Variants in SMAD4 observed in about 807,000 individuals in gnomAD.
SMAD4 encodes the protein SMAD family member 4.
A neutral mutation model predicts 63.2 loss-of-function variants in SMAD4; 7 were observed. That is an observed-to-expected ratio of 0.11 (90% CI 0.06 to 0.21). SMAD4 has a LOEUF of 0.21. Ranked by LOEUF, SMAD4 falls within the 10% of genes least tolerant of loss-of-function variation. The pLI is 1.00. For missense variants in SMAD4, 312 were observed against 693.8 expected (o/e 0.45, Z 6.18); for synonymous variants, 215 against 235.4 (o/e 0.91, Z 0.79).
intron 10 of SMAD4, 64 bp downstream of exon 10, chr18:51,067,251 A>C (rs954425426): frequency 2.2e-6 from 2 of 916,262 alleles, no homozygotes; most frequent in African/African-American, 3.3e-5. Flanking sequence ...AAAGAATTGA[A>C]ATCTGGGTGG....
rs2144399503 is a variant in SMAD4 at position 51,046,942 on chromosome 18, C to A, written c.-105C>A. 2.0e-6 allele frequency: 2 copies of A among 986,256 alleles called. No homozygotes were observed. Among genetic ancestry groups the A allele is most frequent in the Non-Finnish European group, 3.2e-6 (2 of 634,658 alleles). 61.1% of individuals were successfully genotyped at this position (986,256 alleles called of 1,614,324 possible). A position where few individuals can be genotyped will look rare whatever the true frequency, so the allele number is the denominator to read the frequency against. ...TAGGTTATCCTGAATACATGTCTAA[C>A]AATTTTCCTTGCAACGTTAGCTGTT... On this transcript the variant is annotated 5_prime_UTR_variant, in exon 2 of 12. Coordinates refer to ENST00000342988, the MANE Select transcript of SMAD4 (RefSeq NM_005359.6).
rs764439383 is a variant in SMAD4 at position 51,046,936 on chromosome 18, G to C, written c.-111G>C. 3.3e-6 allele frequency: 3 copies of C among 900,222 alleles called. No homozygotes were observed. The highest frequency in any genetic ancestry group is 5.3e-6 in the Non-Finnish European group (3 of 563,546). The allele number at this position is 900,222 out of a possible 1,614,324, so 55.8% of individuals were successfully genotyped here. ...CTTTTTTAGGTTATCCTGAATACAT[G>C]TCTAACAATTTTCCTTGCAACGTTA... On this transcript the variant is annotated 5_prime_UTR_variant, in exon 2 of 12. The change abolishes an upstream ATG in the 5' untranslated region. Transcript: ENST00000342988.
Position 51,054,759 on chromosome 18 carries a change from A to G in SMAD4, c.455-22A>G, listed in dbSNP as rs759341259. On this transcript the variant is annotated intron_variant, in intron 4 of 11. Coordinates refer to ENST00000342988, the MANE Select transcript of SMAD4 (RefSeq NM_005359.6). ...GAATAGAAGCTTATAAAAATTTAAA[A>G]TATGTTTAATTTTCTATATAGCTCC... 1.9e-6 allele frequency: 3 copies of G among 1,550,642 alleles called. 1 individual carries two copies. The highest frequency in any genetic ancestry group is 2.3e-5 in the East Asian group (1 of 43,558).
Position 51,054,996 on chromosome 18 carries a change from G to A in SMAD4, c.667+3G>A, listed in dbSNP as rs757971589. ...CAACATTCCTGTGGCTTCCACAAGTGAGTTCTAGAATCAGATGTAGTCAGC... is the reference window on the plus strand; with the variant it reads ...CAACATTCCTGTGGCTTCCACAAGTAAGTTCTAGAATCAGATGTAGTCAGC... On this transcript the variant is annotated splice_donor_region_variant and intron_variant, in intron 5 of 11. Coordinates refer to ENST00000342988, the MANE Select transcript of SMAD4 (RefSeq NM_005359.6). The A allele has an allele frequency of 3.5e-5, 56 of 1,606,290 alleles. No homozygotes were observed. Among genetic ancestry groups the A allele is most frequent in the Non-Finnish European group, 4.3e-5 (51 of 1,173,748 alleles).
At chr18:51,065,656 A>G (rs775309874) in intron 9 of SMAD4, 50 bp downstream of exon 9, 5 of 1,422,818 alleles carry the variant, frequency 3.5e-6, no homozygotes, top group Admixed American at 3.5e-5. Flanking sequence ...AGCATAGTAC[A>G]TTGTCTTTTA....
chr18:51,045,999 T>C (rs1909532271), intron 1 of SMAD4, among the ~76,000 whole-genome samples: 1 of 152,232 alleles, frequency 6.6e-6, no homozygotes, highest in African/African-American at 2.4e-5. Flanking sequence ...TATTTCGTTG[T>C]ATGGAATTTT....
chr18:51,067,339 T>C, intron 10 of SMAD4, 152 bp downstream of exon 10: 1 of 473,376 alleles, frequency 2.1e-6, no homozygotes, highest in East Asian at 3.2e-5. Flanking sequence ...TCTGAGGGCA[T>C]TTATTGACAT....
chr18:51,055,067 G>T (rs1864071947), intron 5 of SMAD4, 74 bp downstream of exon 5: 5 of 1,091,710 alleles, frequency 4.6e-6, no homozygotes, highest in South Asian at 1.2e-5. Flanking sequence ...TAGTCACTTG[G>T]GGGGAAACTC....
At chr18:51,031,539 G>A (rs574936102) in intron 1 of SMAD4, among the ~76,000 whole-genome samples, 13 of 152,234 alleles carry the variant, frequency 8.5e-5, no homozygotes, top group African/African-American at 2.4e-4. Flanking sequence ...CAGTTATTTA[G>A]GAATAATAAA....
At position 51,078,708 on chromosome 18, in the gene SMAD4, T is replaced by C. The variant is rs886053896; in HGVS notation, c.*241T>C. On this transcript the variant is annotated 3_prime_UTR_variant, in exon 12 of 12. Transcript: ENST00000342988. ...GAAGATTAGGAGAAACACATTCTTATTAATTCTTCACCTGTTATGTATGAA... is the reference window on the plus strand; with the variant it reads ...GAAGATTAGGAGAAACACATTCTTACTAATTCTTCACCTGTTATGTATGAA... 3.9e-6 allele frequency: 2 copies of C among 509,574 alleles called. No individual in the cohort carries two copies. Among genetic ancestry groups the C allele is most frequent in the Non-Finnish European group, 7.0e-6 (2 of 285,990 alleles). 31.6% of individuals were successfully genotyped at this position (509,574 alleles called of 1,614,324 possible).
chr18:51,037,024 G>A (rs2144380551), intron 1 of SMAD4, among the ~76,000 whole-genome samples: 1 of 152,192 alleles, frequency 6.6e-6, no homozygotes. Context: ...ATTGGGCATG[G>A]TGGCACATGC....
chr18:51,055,732 G>C (rs901422091), intron 5 of SMAD4, among the ~76,000 whole-genome samples: 2 of 150,404 alleles, frequency 1.3e-5, no homozygotes, highest in African/African-American at 4.9e-5. Context: ...ATTAATCATA[G>C]AGCATTGTCT....
Position 51,054,900 on chromosome 18 carries a change from A to G in SMAD4, c.574A>G (p.Thr192Ala), listed in dbSNP as rs1599186944. The change falls in exon 5 of 12, where the codon ACA becomes GCA. Residue 192 changes from threonine to alanine, a missense_variant. Physicochemically the swap from Thr to Ala is moderately conservative, Grantham distance 58. This residue lies in a region of SMAD4 where 169 missense variants were observed against 211.0 expected (regional missense o/e 0.80). Coordinates refer to ENST00000342988, the MANE Select transcript of SMAD4 (RefSeq NM_005359.6). The part of the protein sequence containing the change: ...IQHPPSNRAS[T>A]ETYSTPALLA... Reference sequence around the variant, plus strand: ...GCATCCACCAAGTAATCGTGCATCGACAGAGACATACAGCACCCCAGCTCT... The same window carrying G: ...GCATCCACCAAGTAATCGTGCATCGGCAGAGACATACAGCACCCCAGCTCT... 2.5e-6 allele frequency: 4 copies of G among 1,614,136 alleles called. No individual in the cohort carries two copies. The highest frequency in any genetic ancestry group is 2.5e-6 in the Non-Finnish European group (3 of 1,179,984).
intron 10 of SMAD4, among the ~76,000 whole-genome samples, chr18:51,072,473 C>T (rs1171704946): frequency 6.6e-6 from 1 of 152,218 alleles, no homozygotes; most frequent in Non-Finnish European, 1.5e-5. Context: ...AATTAACACT[C>T]ATTGTGATTC....
At chr18:51,033,125 CCTGA>C (rs1237785963) in intron 1 of SMAD4, among the ~76,000 whole-genome samples, 1 of 151,720 alleles carries the variant, frequency 6.6e-6, no homozygotes, top group Admixed American at 6.6e-5. Context: ...ATAAAAGTAA[CCTGA>C]CTAAAATGTT....
intron 10 of SMAD4, among the ~76,000 whole-genome samples, chr18:51,075,367 A>G (rs1287711931): frequency 3.3e-5 from 5 of 152,234 alleles, no homozygotes; most frequent in African/African-American, 1.2e-4. Flanking sequence ...TCTTATTTTC[A>G]AGATTATTTA....
At chr18:51,077,321 CTA>C in intron 11 of SMAD4, 1 of 907,082 alleles carries the variant, frequency 1.1e-6, no homozygotes, top group Non-Finnish European at 1.3e-6. Flanking sequence ...AAACTCCTGA[CTA>C]TAGACTTTTA....
intron 10 of SMAD4, among the ~76,000 whole-genome samples, chr18:51,069,336 A>G (rs1414452654): frequency 6.6e-6 from 1 of 152,046 alleles, no homozygotes; most frequent in Non-Finnish European, 1.5e-5. Flanking sequence ...GCTGGTCTGG[A>G]ACTCCTGACC....
In SMAD4 at chr18:51,047,594, TG is replaced by T. The variant is rs139940554; in HGVS notation, c.249+300del. Among the ~76,000 whole-genome samples, 3,336 of 152,098 alleles carry T rather than the reference TG, an allele frequency of 0.022. 52 individuals carry two copies. The highest frequency in any genetic ancestry group is 0.028 in the Non-Finnish European group (1,894 of 67,976). On this transcript the variant is annotated intron_variant, in intron 2 of 11. Coordinates refer to ENST00000342988, the MANE Select transcript of SMAD4 (RefSeq NM_005359.6). ...CCTTTAGCACTTTGGTATTCATTTT[TG>T]TAGCCTGTTGTTTTCTTTTTTTTTT...
Sources: allele counts gnomAD v4.1 joint callset (sites outside exome capture counted in the v4.1 genomes callset), GRCh38; gene constraint gnomAD v4.1.1; regional missense constraint gnomAD v4.1.1; transcripts MANE v1.5; gene names NCBI Gene and HGNC (gene_info 2026-07-23, HGNC 2026-07-21).